Variants in PDXDC1 observed in about 807,000 individuals in gnomAD.
The protein encoded by PDXDC1 is pyridoxal-dependent decarboxylase domain-containing protein 1.
PDXDC1 carries 42 observed loss-of-function variants against 100.1 expected under a neutral mutation model. The ratio of observed to expected loss-of-function variants is 0.42; its 90% CI spans 0.33 to 0.54. The LOEUF is 0.54. Among genes scored for constraint, PDXDC1 ranks in the 20% least tolerant of loss-of-function variants. The pLI is 0.10. For synonymous variants in PDXDC1, 260 were observed against 371.7 expected, an observed-to-expected ratio of 0.70 and a Z score of 3.46; for missense variants, 636 against 979.2, an observed-to-expected ratio of 0.65 and a Z score of 4.68.
chr16:15,098,303 C>T (rs565880021), intron 16 of PDXDC1, among the ~76,000 whole-genome samples: 96 of 150,798 alleles, frequency 6.4e-4, no homozygotes, highest in Admixed American at 1.5e-3. Flanking sequence ...CGGGTTCAAG[C>T]GATTCTCCTG....
Position 15,135,998 on chromosome 16 carries a change from G to A in PDXDC1, c.1400-2881G>A, listed in dbSNP as rs1191143166. 6.5e-6 allele frequency: 10 copies of A among 1,548,578 alleles called. 1 individual carries two copies. The highest frequency in any genetic ancestry group is 4.6e-5 in the East Asian group (2 of 43,846). ...CTGGTGGGCCCGAGCCAGATGCAGT[G>A]CTCGGCTGTGGCTGGGTGTGGCTCC... On this transcript the variant is annotated intron_variant, in intron 16 of 16. Coordinates refer to the PDXDC1 transcript ENST00000535621.
intron 13 of PDXDC1, among the ~76,000 whole-genome samples, chr16:15,024,449 C>T (rs2042432591): frequency 6.7e-6 from 1 of 148,750 alleles, no homozygotes; most frequent in East Asian, 2.0e-4. Flanking sequence ...CTATGTAGCC[C>T]AGACTGGAGT....
chr16:15,127,013 A>C, intron 16 of PDXDC1: 2 of 338,712 alleles, frequency 5.9e-6, no homozygotes, highest in Non-Finnish European at 1.2e-5. Flanking sequence ...CTGGTCTCAA[A>C]CTCCTGGACT....
intron 8 of PDXDC1, among the ~76,000 whole-genome samples, chr16:15,014,119 A>T (rs2041588306): frequency 6.6e-6 from 1 of 152,176 alleles, no homozygotes; most frequent in South Asian, 2.1e-4. Flanking sequence ...AGGCAGGAGA[A>T]TAGCTTGAAC....
At chr16:15,075,103 A>G (rs908619308) in intron 16 of PDXDC1, among the ~76,000 whole-genome samples, 116 of 151,938 alleles carry the variant, frequency 7.6e-4, no homozygotes, top group Non-Finnish European at 2.1e-4. Context: ...TACAAGAATT[A>G]GCCAGGTATG....
At chr16:15,047,312 C>T (rs2044114234) in intron 16 of PDXDC1, 4 of 683,188 alleles carry the variant, frequency 5.9e-6, no homozygotes, top group Non-Finnish European at 1.1e-5. Context: ...GTGCCAGGTT[C>T]TGTTCCAGGG....
downstream of PDXDC1, among the ~76,000 whole-genome samples, chr16:15,143,311 G>A (rs1390957600): frequency 6.6e-6 from 1 of 152,146 alleles, no homozygotes; most frequent in Admixed American, 6.5e-5. Flanking sequence ...CCTGGAGCAG[G>A]AGCAGCAACA....
chr16:15,047,088 G>C (rs1173677221), intron 16 of PDXDC1: 1 of 289,402 alleles, frequency 3.5e-6, no homozygotes, highest in Non-Finnish European at 6.6e-6. Context: ...GTAGGTGAGA[G>C]GAAGCATTTA....
chr16:15,061,641 C>A, intron 16 of PDXDC1: 3 of 1,137,520 alleles, frequency 2.6e-6, no homozygotes, highest in Non-Finnish European at 3.8e-6. Context: ...GGCACTCGCT[C>A]TAGTTCAATG....
At chr16:15,151,469 C>A in the PDXDC1 span, among the ~76,000 whole-genome samples, 1 of 79,702 alleles carries the variant, frequency 1.3e-5, no homozygotes, top group African/African-American at 4.0e-5. Flanking sequence ...CAACTAATTG[C>A]AGTGTGTGGA....
rs1315272903 is a variant in PDXDC1, at chr16:15,059,721, G to T, written c.1399+29665G>T. Among the ~76,000 whole-genome samples the T allele has an allele frequency of 2.0e-5, 3 of 152,320 alleles. No homozygotes were observed. In the East Asian group the frequency reaches 5.8e-4, roughly 29 times the overall value. On this transcript the variant is annotated intron_variant, in intron 16 of 16. Coordinates refer to the PDXDC1 transcript ENST00000535621. The stretch of plus-strand genomic sequence containing the variant: ...ATTGTTGGCATGTAATTTATAAGGA[G>T]ATTTCACAGTATTTTTCCCCATAGA...
At chr16:15,087,052 G>A (rs888475037) in intron 16 of PDXDC1, among the ~76,000 whole-genome samples, 2 of 152,118 alleles carry the variant, frequency 1.3e-5, no homozygotes, top group Non-Finnish European at 2.9e-5. Context: ...GAGAAGAACT[G>A]CTAAATTTGA....
At position 15,031,867 on chromosome 16, in the gene PDXDC1, A is replaced by T; in HGVS notation, c.1532A>T (p.Tyr511Phe). The change falls in exon 17 of 23, where the codon TAT (tyrosine) becomes TTT (phenylalanine). Residue 511 changes from tyrosine to phenylalanine, a missense_variant. By Grantham distance (22) the Tyr-to-Phe change is conservative. Coordinates refer to ENST00000396410, the MANE Select transcript of PDXDC1 (RefSeq NM_015027.4). Reference protein sequence around the residue: ...QEVEATAGLLYVDDPNWSGIG... With the variant: ...QEVEATAGLLFVDDPNWSGIG... ...GTGGAAGCAACAGCAGGTCTCCTAT[A>T]TGTTGATGACCCTAACTGGTCTGGA... The T allele has an allele frequency of 6.2e-7, 1 of 1,613,770 alleles. No homozygotes were observed. The highest frequency in any genetic ancestry group is 1.1e-5 in the South Asian group (1 of 91,012).
chr16:15,032,668 A>AAAAGAAAAAAAAAAAAG (rs57542228), intron 17 of PDXDC1, 193 bp from the exon 18 acceptor site: 1 of 373,032 alleles, frequency 2.7e-6, no homozygotes, highest in African/African-American at 2.2e-5. Context: ...AAAAAAAAAA[A>AAAAGAAAAAAAAAAAAG]AGGCTTTCCT....
intron 16 of PDXDC1, among the ~76,000 whole-genome samples, chr16:15,066,769 A>T (rs1331076186): frequency 2.6e-5 from 4 of 151,594 alleles, no homozygotes; most frequent in African/African-American, 9.7e-5. Flanking sequence ...TCTCAAAAGC[A>T]TCAAGCAGGC....
intron 3 of PDXDC1, 128 bp downstream of exon 3, chr16:14,998,533 C>T (rs1597389026): frequency 1.0e-6 from 1 of 967,716 alleles, no homozygotes; most frequent in East Asian, 2.8e-5. Context: ...CAACCTCCGC[C>T]TCCCGGGTTC....
At chr16:15,097,768 CCTCCCAAAAAT>C (rs1437981686) in intron 16 of PDXDC1, among the ~76,000 whole-genome samples, 1 of 152,062 alleles carries the variant, frequency 6.6e-6, no homozygotes, top group Non-Finnish European at 1.5e-5. Context: ...TACCTGCTTT[CCTCCCAAAAAT>C]AGTCACCATC....
chr16:15,079,924 T>C, intron 16 of PDXDC1: 2 of 1,424,176 alleles, frequency 1.4e-6, no homozygotes, highest in Non-Finnish European at 1.9e-6. Context: ...TCACTGACTA[T>C]TGTTTCCACA....
At chr16:15,060,052 T>C in intron 16 of PDXDC1, 1 of 215,610 alleles carries the variant, frequency 4.6e-6, no homozygotes, top group South Asian at 5.3e-5. Flanking sequence ...GTACCTTTTA[T>C]TGGTATAAGA....
Sources: gnomAD v4.1 joint callset for allele counts (sites outside exome capture counted in the v4.1 genomes callset) on GRCh38, gnomAD v4.1.1 for gene constraint, MANE v1.5 for transcripts, NCBI Gene and HGNC (gene_info 2026-07-23, HGNC 2026-07-21) for gene names.